The following TRIM36 variants were observed in gnomAD, a reference collection of about 807,000 sequenced individuals.
TRIM36 encodes the protein tripartite motif containing 36, also known as E3 ubiquitin-protein ligase TRIM36.
A neutral mutation model predicts 72.4 loss-of-function variants in TRIM36; 42 were observed. The observed-to-expected ratio is 0.58, with a 90% CI of 0.45 to 0.75. The LOEUF (loss-of-function observed/expected upper bound fraction) is 0.75. Ranked by LOEUF, TRIM36 falls within the 30% of genes least tolerant of loss-of-function variation. The pLI is 0.00. For missense variants in TRIM36, 913 were observed against 857.1 expected (o/e 1.07, Z -0.81); for synonymous variants, 315 against 282.8 (o/e 1.11, Z -1.14).
upstream of TRIM36, among the ~76,000 whole-genome samples, chr5:115,171,938 T>C (rs1425501340): frequency 6.6e-6 from 1 of 152,234 alleles, no homozygotes; most frequent in Non-Finnish European, 1.5e-5. Flanking sequence ...CATTTGGTGG[T>C]ATTTTTGTTT....
intron 9 of TRIM36, 111 bp from the exon 10 acceptor site, chr5:115,126,968 A>ATTTTT: frequency 4.6e-6 from 5 of 1,096,144 alleles, no homozygotes; most frequent in Non-Finnish European, 5.1e-6. Context: ...TTTTACATCA[A>ATTTTT]AAGCTTTCTA....
At chr5:115,147,739 T>C (rs914152387) in intron 2 of TRIM36, among the ~76,000 whole-genome samples, 6 of 152,220 alleles carry the variant, frequency 3.9e-5, no homozygotes, top group Non-Finnish European at 5.9e-5. Context: ...TTAGCATTTA[T>C]AGTTACTTTT....
intron 1 of TRIM36, among the ~76,000 whole-genome samples, chr5:115,166,543 A>G (rs938545137): frequency 2.0e-5 from 3 of 152,150 alleles, no homozygotes; most frequent in Non-Finnish European, 2.9e-5. Flanking sequence ...TCAATAAAGC[A>G]CCTTGTTCAC....
At position 115,134,164 on chromosome 5, in the gene TRIM36, A is replaced by G; in HGVS notation, c.1211-17T>C. ...CGTCTATGCCTGAAAGAATTATGAA[A>G]TAGAAAACAACATTAAAATATTGAC... On this transcript the variant is annotated splice_polypyrimidine_tract_variant and intron_variant, in intron 7 of 9. Coordinates refer to ENST00000513154, the MANE Select transcript of TRIM36 (RefSeq NM_001300759.2). 1 of 1,529,460 alleles carries G rather than the reference A, an allele frequency of 6.5e-7. No individual in the cohort carries two copies. 94.7% of individuals were successfully genotyped at this position (1,529,460 alleles called of 1,614,324 possible).
chr5:115,169,151 CGAAG>C (rs1255872541), intron 1 of TRIM36: 1 of 159,440 alleles, frequency 6.3e-6, no homozygotes, highest in African/African-American at 2.4e-5. Flanking sequence ...CGCGGGCAGG[CGAAG>C]CCGGGGAGGA....
chr5:115,171,091 G>A (rs1379729361), upstream of TRIM36: 4 of 1,614,204 alleles, frequency 2.5e-6, no homozygotes, highest in African/African-American at 2.7e-5. Flanking sequence ...GAGCTGTAGC[G>A]AGACATCTCG....
At chr5:115,179,607 A>T (rs892848998) in intron 1 of TRIM36, among the ~76,000 whole-genome samples, 1 of 152,142 alleles carries the variant, frequency 6.6e-6, no homozygotes, top group Non-Finnish European at 1.5e-5. Flanking sequence ...ACCCACTCGA[A>T]GTCACCACGT....
At position 115,146,095 on chromosome 5, in the gene TRIM36, T is replaced by A. The variant is rs146815365; in HGVS notation, c.588+974A>T. Among the ~76,000 whole-genome samples, 121 of 152,296 alleles carry A rather than the reference T, an allele frequency of 7.9e-4. 1 individual carries two copies. The East Asian group carries it at 0.021, about 27-fold the overall frequency. ...AACATCAGGTTGAAGTCACAAATTT[T>A]TAAAAATTGATGGTCTTGAGCATTT... On this transcript the variant is annotated intron_variant, in intron 3 of 9. Transcript: ENST00000513154.
intron 2 of TRIM36, among the ~76,000 whole-genome samples, chr5:115,150,495 TGAAAAA>T (rs1753831311): frequency 6.6e-6 from 1 of 151,940 alleles, no homozygotes; most frequent in Non-Finnish European, 1.5e-5. Flanking sequence ...CATTAGACAA[TGAAAAA>T]GAAAAACAGA....
At chr5:115,179,424 AGCT>A (rs1340205786) in intron 1 of TRIM36, among the ~76,000 whole-genome samples, 1 of 152,244 alleles carries the variant, frequency 6.6e-6, no homozygotes, top group African/African-American at 2.4e-5. Context: ...GAGCAGCAGC[AGCT>A]AAGGACCTGG....
At chr5:115,171,042 G>A (rs926426290), upstream of TRIM36, 1 of 1,610,352 alleles carries the variant, frequency 6.2e-7, no homozygotes. Context: ...TAGGCTTTAA[G>A]AACAGATGCC....
At chr5:115,171,049 T>C, upstream of TRIM36, 1 of 1,611,678 alleles carries the variant, frequency 6.2e-7, no homozygotes, top group South Asian at 1.1e-5. Context: ...TAAGAACAGA[T>C]GCCCTAAATT....
Position 115,136,775 on chromosome 5 carries a change from C to T in TRIM36, c.1210+225G>A, listed in dbSNP as rs775413430. Among the ~76,000 whole-genome samples the T allele has an allele frequency of 1.8e-3, 275 of 152,200 alleles. 1 individual carries two copies. The highest frequency in any genetic ancestry group is 2.5e-3 in the Non-Finnish European group (169 of 68,018). ...TTACAAAAATACATACAACATAATG[C>T]TATTTATGCAATGTTTAAAAACACA... On this transcript the variant is annotated intron_variant, in intron 7 of 9. Coordinates refer to ENST00000513154, the MANE Select transcript of TRIM36 (RefSeq NM_001300759.2).
chr5:115,131,652 A>G (rs1200958776), intron 8 of TRIM36, among the ~76,000 whole-genome samples: 3 of 152,236 alleles, frequency 2.0e-5, no homozygotes, highest in Non-Finnish European at 4.4e-5. Flanking sequence ...AGATTTGGAT[A>G]CATGCTACAA....
intron 4 of TRIM36, among the ~76,000 whole-genome samples, chr5:115,142,356 G>A (rs1753323321): frequency 6.6e-6 from 1 of 152,144 alleles, no homozygotes; most frequent in Admixed American, 6.5e-5. Context: ...AGAAGTACTA[G>A]GTGCAAAGTG....
intron 1 of TRIM36, among the ~76,000 whole-genome samples, chr5:115,164,379 A>G (rs949054514): frequency 1.2e-4 from 19 of 152,348 alleles, no homozygotes; most frequent in Middle Eastern, 3.4e-3. Flanking sequence ...TCACACTGCT[A>G]TAAAGAAAAT....
chr5:115,126,191 G>C lies in TRIM36; in HGVS notation c.*312C>G. ...ACTTTTGTATCCCCCCCACCATAAG[G>C]AAAGTGTCAGCAACACCAGCTGACA... is the stretch of plus-strand genomic sequence containing the variant. On this transcript the variant is annotated 3_prime_UTR_variant, in exon 10 of 10. Transcript: ENST00000513154. The C allele has an allele frequency of 3.9e-6, 1 of 255,890 alleles. No homozygotes were observed. Among genetic ancestry groups the C allele is most frequent in the Non-Finnish European group, 7.5e-6 (1 of 134,098 alleles). The allele number at this position is 255,890 out of a possible 1,614,324, so 15.9% of individuals were successfully genotyped here.
At chr5:115,176,622 A>G (rs562956888) in intron 1 of TRIM36, among the ~76,000 whole-genome samples, 1 of 152,236 alleles carries the variant, frequency 6.6e-6, no homozygotes, top group Admixed American at 6.5e-5. Context: ...ATACAAAGAG[A>G]TATACTAAAA....
At chr5:115,152,490 C>T (rs1419046700) in intron 2 of TRIM36, among the ~76,000 whole-genome samples, 3 of 152,116 alleles carry the variant, frequency 2.0e-5, no homozygotes, top group Non-Finnish European at 4.4e-5. Context: ...TTGCTAGAGA[C>T]CTAGATATCG....
Sources: allele counts gnomAD v4.1 joint callset (sites outside exome capture counted in the v4.1 genomes callset), GRCh38; gene constraint gnomAD v4.1.1; transcripts MANE v1.5; gene names NCBI Gene and HGNC (gene_info 2026-07-23, HGNC 2026-07-21).